Variants in RUNX2 observed in about 807,000 individuals in gnomAD.
RUNX2 encodes the protein runt-related transcription factor 2.
RUNX2 carries 10 observed loss-of-function variants against 51.7 expected under a neutral mutation model. The ratio of observed to expected loss-of-function variants is 0.19; its 90% CI spans 0.12 to 0.33. The LOEUF (loss-of-function observed/expected upper bound fraction) is 0.33, where lower values mean the gene tolerates loss of function less well. RUNX2 is among the 10% of genes least tolerant of loss of function. The pLI is 1.00. For synonymous variants in RUNX2, 276 were observed against 273.6 expected, an observed-to-expected ratio of 1.01 and a Z score of -0.09; for missense variants, 562 against 691.3, an observed-to-expected ratio of 0.81 and a Z score of 2.10.
chr6:45,549,099 C>A lies in RUNX2; in HGVS notation c.*1794C>A. ...AATTTGAGCTAGAGTCCTTCTGTGG[C>A]ATGCACTTTGACCACTCCTGGCAGT... On this transcript the variant is annotated 3_prime_UTR_variant, in exon 9 of 9. Transcript: ENST00000647337. 2.5e-6 allele frequency: 1 copy of A among 398,572 alleles called. No individual in the cohort carries two copies. The highest frequency in any genetic ancestry group is 4.4e-6 in the Non-Finnish European group (1 of 226,086). The allele number at this position is 398,572 out of a possible 1,614,324, so 24.7% of individuals were successfully genotyped here. A position where few individuals can be genotyped will look rare whatever the true frequency, so the allele number is the denominator to read the frequency against.
intron 5 of RUNX2, among the ~76,000 whole-genome samples, chr6:45,461,745 G>A (rs959955580): frequency 2.3e-4 from 33 of 145,052 alleles, no homozygotes; most frequent in African/African-American, 8.1e-4. Flanking sequence ...ATAGAATGAG[G>A]CTTACTATTT....
At chr6:45,496,610 T>C (rs1012973484) in intron 6 of RUNX2, among the ~76,000 whole-genome samples, 21 of 152,124 alleles carry the variant, frequency 1.4e-4, no homozygotes, top group Non-Finnish European at 2.9e-5. Context: ...TTTCAGGCAG[T>C]AGGAAACTCA....
intron 2 of RUNX2, among the ~76,000 whole-genome samples, chr6:45,386,885 A>G (rs1406421364): frequency 6.6e-6 from 1 of 152,228 alleles, no homozygotes; most frequent in Non-Finnish European, 1.5e-5. Flanking sequence ...GGCTTTATCT[A>G]ATAAAAGATG....
Position 45,387,404 on chromosome 6 carries a change from A to G in RUNX2, c.59-35189A>G, listed in dbSNP as rs529215607. Reference sequence around the variant, plus strand: ...GCACACAGCACTCATCATTCCACACACATAACTCACATGCGACACACAGCC... The same window carrying G: ...GCACACAGCACTCATCATTCCACACGCATAACTCACATGCGACACACAGCC... On this transcript the variant is annotated intron_variant, in intron 2 of 8. Transcript: ENST00000647337. Among the ~76,000 whole-genome samples the G allele has an allele frequency of 4.6e-5, 7 of 152,348 alleles. No individual in the cohort carries two copies. The East Asian group carries it at 1.3e-3, about 29-fold the overall frequency.
At chr6:45,396,059 C>A (rs10498760) in intron 2 of RUNX2, among the ~76,000 whole-genome samples, 11,265 of 152,142 alleles carry the variant, frequency 0.074, 576 homozygotes, top group South Asian at 0.18. Context: ...AAGACAGTTT[C>A]AATCTGAAGT....
At chr6:45,331,785 TTATGA>T (rs1787569343) in intron 2 of RUNX2, among the ~76,000 whole-genome samples, 1 of 151,968 alleles carries the variant, frequency 6.6e-6, no homozygotes, top group Non-Finnish European at 1.5e-5. Context: ...CATGATTACA[TTATGA>T]TATATTTTAG....
chr6:45,490,035 C>T (rs1472589632), intron 5 of RUNX2, among the ~76,000 whole-genome samples: 1 of 152,108 alleles, frequency 6.6e-6, no homozygotes, highest in East Asian at 1.9e-4. Flanking sequence ...CTGATGGTGC[C>T]ACGTGATGAA....
intron 2 of RUNX2, among the ~76,000 whole-genome samples, chr6:45,415,832 A>G (rs1405906803): frequency 6.6e-6 from 1 of 152,174 alleles, no homozygotes; most frequent in Non-Finnish European, 1.5e-5. Flanking sequence ...CAGGTAAAAA[A>G]AGGTGAATTT....
chr6:45,421,546 A>G (rs1013377848), intron 2 of RUNX2: 1 of 152,154 alleles, frequency 6.6e-6, no homozygotes, highest in African/African-American at 2.4e-5. Flanking sequence ...AGGCTCAAGA[A>G]TTTTCTTTCC....
chr6:45,495,190 T>C (rs1800611479), intron 6 of RUNX2, among the ~76,000 whole-genome samples: 1 of 152,248 alleles, frequency 6.6e-6, no homozygotes, highest in Non-Finnish European at 1.5e-5. Flanking sequence ...CCTGCTACAT[T>C]GTACATTCTT....
At chr6:45,357,270 G>A (rs1793397484) in intron 2 of RUNX2, among the ~76,000 whole-genome samples, 1 of 152,074 alleles carries the variant, frequency 6.6e-6, no homozygotes, top group East Asian at 1.9e-4. Context: ...GCCTCCCAAA[G>A]TGCTGGGATT....
At chr6:45,531,994 A>G (rs1214501219) in intron 7 of RUNX2, among the ~76,000 whole-genome samples, 1 of 152,132 alleles carries the variant, frequency 6.6e-6, no homozygotes, top group Non-Finnish European at 1.5e-5. Context: ...TGTTAGTTTT[A>G]ACCTCCTTTA....
In RUNX2 at chr6:45,367,362, C is replaced by A. The variant is rs566145693; in HGVS notation, c.58+38578C>A. 1.1e-3 allele frequency among the ~76,000 whole-genome samples: 169 copies of A among 151,888 alleles called. 2 individuals carry two copies. The highest frequency in any genetic ancestry group is 3.8e-3 in the African/African-American group (156 of 41,426). On this transcript the variant is annotated intron_variant, in intron 2 of 8. Coordinates refer to ENST00000647337, the MANE Select transcript of RUNX2 (RefSeq NM_001024630.4). ...AAGAAAGACCATCGCTTTTTTTAAGCCTAAATTTGTGCCATTGTTTAAAAA... is the reference window on the plus strand; with the variant it reads ...AAGAAAGACCATCGCTTTTTTTAAGACTAAATTTGTGCCATTGTTTAAAAA...
intron 4 of RUNX2, among the ~76,000 whole-genome samples, chr6:45,437,646 C>G (rs960581498): frequency 6.6e-6 from 1 of 152,166 alleles, no homozygotes; most frequent in African/African-American, 2.4e-5. Flanking sequence ...AAGAACCTTC[C>G]TCAAGTGGAC....
intron 6 of RUNX2, among the ~76,000 whole-genome samples, chr6:45,503,015 C>A (rs532348381): frequency 6.6e-6 from 1 of 152,292 alleles, no homozygotes; most frequent in African/African-American, 2.4e-5. Flanking sequence ...GAACTGGACA[C>A]GGGCCTAAAG....
chr6:45,448,921 T>C (rs543929182), intron 5 of RUNX2, among the ~76,000 whole-genome samples: 4 of 152,162 alleles, frequency 2.6e-5, no homozygotes, highest in Non-Finnish European at 5.9e-5. Flanking sequence ...AATATAGATG[T>C]GTAAAAAGAA....
At chr6:45,450,278 C>T (rs941855984) in intron 5 of RUNX2, among the ~76,000 whole-genome samples, 2 of 152,214 alleles carry the variant, frequency 1.3e-5, no homozygotes, top group African/African-American at 4.8e-5. Flanking sequence ...ATCCGTTCCT[C>T]CCCCAACCCT....
chr6:45,369,372 G>GA (rs1345860446), intron 2 of RUNX2, among the ~76,000 whole-genome samples: 1 of 152,046 alleles, frequency 6.6e-6, no homozygotes, highest in Non-Finnish European at 1.5e-5. Flanking sequence ...GTAAACAAAA[G>GA]AAATTCTTTC....
intron 2 of RUNX2, among the ~76,000 whole-genome samples, chr6:45,399,348 C>CTT (rs1797649323): frequency 3.1e-5 from 3 of 97,278 alleles, no homozygotes; most frequent in Non-Finnish European, 6.8e-5. Flanking sequence ...TCTTTTCTTT[C>CTT]CTTTTTTTTT....
Sources: allele counts gnomAD v4.1 joint callset (sites outside exome capture counted in the v4.1 genomes callset), GRCh38; gene constraint gnomAD v4.1.1; transcripts MANE v1.5; gene names NCBI Gene and HGNC (gene_info 2026-07-23, HGNC 2026-07-21).